CADM2: variants seen among roughly 807,000 people sequenced by gnomAD.
The protein encoded by CADM2 is cell adhesion molecule 2, also known as immunoglobulin superfamily member 4D.
Under a neutral mutation model 49.8 loss-of-function variants are expected in CADM2, and 12 were observed. The observed-to-expected ratio is 0.24, with a 90% CI of 0.15 to 0.39. The LOEUF is 0.39. Ranked by LOEUF, CADM2 falls within the 10% of genes least tolerant of loss-of-function variation. The pLI is 1.00. For missense variants in CADM2, 378 were observed against 492.3 expected (o/e 0.77, Z 2.20); for synonymous variants, 214 against 175.4 (o/e 1.22, Z -1.74).
chr3:85,783,202 T>C (rs2108000998), intron 2 of CADM2, among the ~76,000 whole-genome samples: 1 of 152,270 alleles, frequency 6.6e-6, no homozygotes, highest in East Asian at 1.9e-4. Flanking sequence ...AACCAAGGAT[T>C]AGATTTATAT....
intron 8 of CADM2, among the ~76,000 whole-genome samples, chr3:85,982,109 T>C (rs1453686097): frequency 6.6e-6 from 1 of 151,778 alleles, no homozygotes; most frequent in Non-Finnish European, 1.5e-5. Context: ...TGATTAGTGA[T>C]GTTGAGCATT....
At chr3:85,636,366 A>C (rs2064483299) in intron 1 of CADM2, among the ~76,000 whole-genome samples, 1 of 152,200 alleles carries the variant, frequency 6.6e-6, no homozygotes, top group Admixed American at 6.5e-5. Flanking sequence ...AAAATGAAAA[A>C]TTGAAAAAAG....
intron 8 of CADM2, among the ~76,000 whole-genome samples, chr3:86,044,654 G>A (rs1189735783): frequency 2.6e-5 from 4 of 152,236 alleles, no homozygotes; most frequent in Middle Eastern, 3.4e-3. Flanking sequence ...TCAGAGTGGC[G>A]ATTCCTCAAG....
At chr3:85,038,639 C>T (rs1169976374) in intron 1 of CADM2, among the ~76,000 whole-genome samples, 1 of 152,136 alleles carries the variant, frequency 6.6e-6, no homozygotes, top group Non-Finnish European at 1.5e-5. Context: ...TCAATCTAGT[C>T]TTTGACATTT....
intron 3 of CADM2, among the ~76,000 whole-genome samples, chr3:85,873,307 C>T (rs2075999528): frequency 6.6e-6 from 1 of 152,146 alleles, no homozygotes; most frequent in Non-Finnish European, 1.5e-5. Flanking sequence ...ATTCAGATCA[C>T]TCTGTGATAA....
chr3:85,903,039 C>A lies in CADM2; in HGVS notation c.530-9334C>A, dbSNP rs535455645. 5.3e-5 allele frequency among the ~76,000 whole-genome samples: 8 copies of A among 151,960 alleles called. No homozygotes were observed. In the East Asian group the frequency reaches 7.7e-4, roughly 15 times the overall value. On this transcript the variant is annotated intron_variant, in intron 5 of 9. Coordinates refer to ENST00000383699, the MANE Select transcript of CADM2 (RefSeq NM_001167675.2). ...TTTTAATTCTCCTAATTTCTTCCTG[C>A]AAATTCAAGTTACCACCTAGAATCA... is the stretch of plus-strand genomic sequence containing the variant.
chr3:85,194,439 C>A (rs755980454), intron 1 of CADM2, among the ~76,000 whole-genome samples: 6 of 151,970 alleles, frequency 3.9e-5, no homozygotes, highest in Non-Finnish European at 7.4e-5. Flanking sequence ...TTAACTTGGG[C>A]AGACCAAACA....
At chr3:86,062,821 A>G (rs1302396118) in intron 8 of CADM2, among the ~76,000 whole-genome samples, 9 of 149,728 alleles carry the variant, frequency 6.0e-5, no homozygotes, top group Admixed American at 2.7e-4. Context: ...TTTTTTTTTC[A>G]GGCAGAGATT....
intron 1 of CADM2, among the ~76,000 whole-genome samples, chr3:85,713,197 A>C (rs913238879): frequency 3.9e-5 from 6 of 152,184 alleles, no homozygotes; most frequent in African/African-American, 1.4e-4. Context: ...TCCCGGGTTC[A>C]AGCCATTCTC....
At chr3:85,552,010 AG>A (rs5850692) in intron 1 of CADM2, among the ~76,000 whole-genome samples, 77,864 of 151,992 alleles carry the variant, frequency 0.51, 23,022 homozygotes, top group East Asian at 0.85. Flanking sequence ...TTATATTTGT[AG>A]GATCCTTCTT....
At chr3:86,000,908 CAT>C (rs1730111681) in intron 8 of CADM2, among the ~76,000 whole-genome samples, 1 of 151,814 alleles carries the variant, frequency 6.6e-6, no homozygotes, top group Non-Finnish European at 1.5e-5. Context: ...AAAATAGAAA[CAT>C]AGAATTCTGG....
chr3:85,485,359 T>C (rs2039374387), intron 1 of CADM2, among the ~76,000 whole-genome samples: 1 of 152,034 alleles, frequency 6.6e-6, no homozygotes. Context: ...TCTTTAAAAA[T>C]TCATCTTGGA....
At chr3:86,014,103 T>C (rs79960578) in intron 8 of CADM2, 215,406 of 1,285,260 alleles carry the variant, frequency 0.17, 18,778 homozygotes, top group South Asian at 0.23. Flanking sequence ...GAAGGAAATC[T>C]GCCATTTTCA....
At chr3:85,299,321 T>C (rs2106979461) in intron 1 of CADM2, among the ~76,000 whole-genome samples, 1 of 152,070 alleles carries the variant, frequency 6.6e-6, no homozygotes, top group East Asian at 1.9e-4. Context: ...AAAATTATAT[T>C]CTAATTACAT....
At chr3:85,202,084 A>T (rs1369910004) in intron 1 of CADM2, among the ~76,000 whole-genome samples, 1 of 151,048 alleles carries the variant, frequency 6.6e-6, no homozygotes, top group Non-Finnish European at 1.5e-5. Context: ...GTCTGAAAAA[A>T]AAAAAAAAAA....
chr3:86,045,232 C>A (rs1411314899), intron 8 of CADM2, among the ~76,000 whole-genome samples: 2 of 151,678 alleles, frequency 1.3e-5, no homozygotes, highest in Non-Finnish European at 2.9e-5. Flanking sequence ...ATAGTGTAAG[C>A]AAATATATAG....
intron 1 of CADM2, among the ~76,000 whole-genome samples, chr3:85,489,736 T>A (rs2039585462): frequency 7.5e-6 from 1 of 133,134 alleles, no homozygotes. Context: ...TTCTAAAAAT[T>A]ATTTAACGTG....
At chr3:85,636,838 G>T (rs546629198) in intron 1 of CADM2, among the ~76,000 whole-genome samples, 2 of 152,230 alleles carry the variant, frequency 1.3e-5, no homozygotes, top group South Asian at 4.1e-4. Context: ...TAGCCTATGA[G>T]CAATAGACTT....
chr3:85,637,168 T>C (rs2064518425), intron 1 of CADM2, among the ~76,000 whole-genome samples: 2 of 152,198 alleles, frequency 1.3e-5, no homozygotes, highest in South Asian at 2.1e-4. Context: ...AAGTCATATA[T>C]TTTTTGAAAT....
Sources: allele counts gnomAD v4.1 joint callset (sites outside exome capture counted in the v4.1 genomes callset), GRCh38; gene constraint gnomAD v4.1.1; transcripts MANE v1.5; gene names NCBI Gene and HGNC (gene_info 2026-07-23, HGNC 2026-07-21).